PCDHGA11: variants seen among roughly 807,000 people sequenced by gnomAD.
PCDHGA11 encodes the protein protocadherin gamma-A11.
PCDHGA11 carries 39 observed loss-of-function variants against 60.4 expected under a neutral mutation model. The observed-to-expected ratio is 0.65, with a 90% CI of 0.50 to 0.84. The LOEUF (loss-of-function observed/expected upper bound fraction) is 0.84, where lower values mean the gene tolerates loss of function less well. Among genes scored for constraint, PCDHGA11 ranks in the 40% least tolerant of loss-of-function variants. The pLI, the probability that PCDHGA11 is intolerant of heterozygous loss-of-function variation, is 0.00. For synonymous variants in PCDHGA11, 533 were observed against 510.3 expected, an observed-to-expected ratio of 1.04 and a Z score of -0.60; for missense variants, 1,165 against 1,197.7, an observed-to-expected ratio of 0.97 and a Z score of 0.40.
At chr5:141,502,866 C>CTTTTTTTT (rs549047197) in intron 2 of PCDHGA11, among the ~76,000 whole-genome samples, 38,988 of 127,080 alleles carry the variant, frequency 0.31, 7,978 homozygotes, top group African/African-American at 0.51. Flanking sequence ...GACTCTCTGT[C>CTTTTTTTT]TTTTTTTTTT....
At chr5:141,427,400 A>T in intron 1 of PCDHGA11, 1 of 461,200 alleles carries the variant, frequency 2.2e-6, no homozygotes, top group Non-Finnish European at 4.3e-6. Context: ...CACATGATAA[A>T]GATTCGAGAG....
At position 141,422,691 on chromosome 5, in the gene PCDHGA11, C is replaced by A; in HGVS notation, c.1464C>A (p.Val488=). The A allele has an allele frequency of 6.2e-7, 1 of 1,603,878 alleles. No individual in the cohort carries two copies. Among genetic ancestry groups the A allele is most frequent in the Non-Finnish European group, 8.5e-7 (1 of 1,174,648 alleles). ...LDPDSKQNAL[V]TYSLTDDTVQ... ...CGGACAGCAAACAGAATGCCCTGGT[C>A]ACTTACTCTCTGACGGATGACACTG... The change falls in exon 1 of 4, where the codon GTC becomes GTA. Residue 488 remains valine (V), a synonymous_variant. Transcript: ENST00000398587.
chr5:141,485,259 G>C lies in PCDHGA11; in HGVS notation c.2434-9548G>C. ...TTTTACCACCTGGGTTACGTTTGTGGGCAGATCCGCTACCCGGTCCCAGAG... is the reference window on the plus strand; with the variant it reads ...TTTTACCACCTGGGTTACGTTTGTGCGCAGATCCGCTACCCGGTCCCAGAG... On this transcript the variant is annotated intron_variant, in intron 1 of 3. Coordinates refer to ENST00000398587, the MANE Select transcript of PCDHGA11 (RefSeq NM_018914.3). The surrounding 1 kb of genome is among the most constrained non-coding windows in gnomAD (Gnocchi z 5.7). 1.2e-6 allele frequency: 2 copies of C among 1,614,136 alleles called. No homozygotes were observed. The highest frequency in any genetic ancestry group is 1.7e-6 in the Non-Finnish European group (2 of 1,180,002).
rs147674746 is a variant in PCDHGA11, at chr5:141,477,348, C to G, written c.2434-17459C>G. 7 of 1,614,180 alleles carry G rather than the reference C, an allele frequency of 4.3e-6. No individual in the cohort carries two copies. Among genetic ancestry groups the G allele is most frequent in the Non-Finnish European group, 5.9e-6 (7 of 1,180,030 alleles). ...CTCAAGAATTACTTCACTTTGAAAA[C>G]CAGTGCAGACCTGGATCGGGAGACT... is the stretch of plus-strand genomic sequence containing the variant. On this transcript the variant is annotated intron_variant, in intron 1 of 3. Transcript: ENST00000398587. The surrounding 1 kb of genome is among the most constrained non-coding windows in gnomAD (Gnocchi z 4.9).
intron 1 of PCDHGA11, among the ~76,000 whole-genome samples, chr5:141,475,778 T>C (rs1204790631): frequency 2.0e-5 from 3 of 152,282 alleles, no homozygotes; most frequent in Non-Finnish European, 4.4e-5. Flanking sequence ...GCGCTTTGGC[T>C]GGAAACTCTG....
chr5:141,422,263 C>T lies in PCDHGA11; in HGVS notation c.1036C>T (p.Pro346Ser), dbSNP rs755271863. Residue 346 changes from proline to serine, a missense_variant, in exon 1 of 4, where the codon CCA becomes TCA. Transcript: ENST00000398587. ...ITVVDVNDNA[P>S]EITITSSINS... ...TGTTGTGGATGTGAATGATAACGCT[C>T]CAGAAATAACTATCACCTCTTCTAT... is the stretch of plus-strand genomic sequence containing the variant. 1.0e-5 allele frequency: 16 copies of T among 1,563,686 alleles called. No individual in the cohort carries two copies. The South Asian group carries it at 1.7e-4, about 17-fold the overall frequency.
intron 2 of PCDHGA11, among the ~76,000 whole-genome samples, chr5:141,497,578 T>C (rs2099778035): frequency 1.3e-5 from 2 of 150,806 alleles, no homozygotes; most frequent in South Asian, 4.2e-4. Context: ...CTTGCTCTGT[T>C]GCCCAAGCTG....
Position 141,431,740 on chromosome 5 carries a change from T to C in PCDHGA11, c.2433+8080T>C. 6.2e-7 allele frequency: 1 copy of C among 1,614,230 alleles called. No individual in the cohort carries two copies. Among genetic ancestry groups the C allele is most frequent in the South Asian group, 1.1e-5 (1 of 91,088 alleles). On this transcript the variant is annotated intron_variant, in intron 1 of 3. Transcript: ENST00000398587. This position sits in a 1 kb window ranked among gnomAD's most constrained non-coding sequence, Gnocchi z 4.8. ...TGCAAGCAATGGATAATGCAGGATA[T>C]TCTGCGCGAGCCAAAGTCCTGATCA... is the stretch of plus-strand genomic sequence containing the variant.
At chr5:141,475,996 G>T (rs2099383729) in intron 1 of PCDHGA11, 4 of 1,181,402 alleles carry the variant, frequency 3.4e-6, no homozygotes, top group Non-Finnish European at 3.5e-6. Flanking sequence ...GCAAATCAAC[G>T]GCATCCAGAA....
Position 141,423,519 on chromosome 5 carries a change from G to A in PCDHGA11, c.2292G>A (p.Ser764=), listed in dbSNP as rs758742300. Residue 764 remains serine, a synonymous_variant, in exon 1 of 4, where the codon TCG becomes TCA. Coordinates refer to ENST00000398587, the MANE Select transcript of PCDHGA11 (RefSeq NM_018914.3). ...ACGAGGTCTCTCTCATTGCGGACTC[G>A]CAGAAGAGTCACCTGATTTTCCCCC... ...YSHEVSLIAD[S]QKSHLIFPQP... is the part of the protein sequence containing the mutation. 8.1e-6 allele frequency: 13 copies of A among 1,613,752 alleles called. 1 individual carries two copies. In the South Asian group the frequency reaches 1.1e-4, roughly 14 times the overall value.
intron 1 of PCDHGA11, among the ~76,000 whole-genome samples, chr5:141,456,854 T>C (rs924765803): frequency 7.2e-5 from 11 of 151,950 alleles, no homozygotes; most frequent in Non-Finnish European, 1.3e-4. Context: ...TCCCAGCTAA[T>C]TGGGAGGCTG....
intron 1 of PCDHGA11, chr5:141,428,119 C>T (rs2097112199): frequency 6.2e-7 from 1 of 1,606,512 alleles, no homozygotes; most frequent in Non-Finnish European, 8.5e-7. Context: ...GCCATCGAGC[C>T]CGGGCTTTTC....
intron 1 of PCDHGA11, among the ~76,000 whole-genome samples, chr5:141,468,890 G>A (rs2099184679): frequency 6.6e-6 from 1 of 151,592 alleles, no homozygotes; most frequent in African/African-American, 2.4e-5. Flanking sequence ...TAATAATAAG[G>A]TACTAATATG....
At chr5:141,483,854 T>C (rs2154580004) in intron 1 of PCDHGA11, among the ~76,000 whole-genome samples, 1 of 152,236 alleles carries the variant, frequency 6.6e-6, no homozygotes, top group South Asian at 2.1e-4. Flanking sequence ...ATTAAGAAAT[T>C]TCATGTCCAG....
chr5:141,427,151 G>A (rs1481629222), intron 1 of PCDHGA11: 1 of 456,934 alleles, frequency 2.2e-6, no homozygotes, highest in Admixed American at 2.3e-5. Flanking sequence ...TTGGAAATAT[G>A]TTTGTGCTAG....
intron 1 of PCDHGA11, among the ~76,000 whole-genome samples, chr5:141,429,780 A>G (rs1301908729): frequency 1.3e-5 from 2 of 152,222 alleles, no homozygotes; most frequent in Non-Finnish European, 2.9e-5. Flanking sequence ...ATGGGCTTCC[A>G]AAAGTATTAC....
intron 1 of PCDHGA11, among the ~76,000 whole-genome samples, chr5:141,484,723 G>T (rs930331672): frequency 1.3e-5 from 2 of 151,930 alleles, no homozygotes; most frequent in Non-Finnish European, 2.9e-5. Flanking sequence ...AAGGGGCGGG[G>T]TCAGTCGGTG....
rs1195316502 is a variant in PCDHGA11 at position 141,431,006 on chromosome 5, A to G, written c.2433+7346A>G. 1.2e-6 allele frequency: 2 copies of G among 1,614,116 alleles called. No individual in the cohort carries two copies. Among genetic ancestry groups the G allele is most frequent in the South Asian group, 2.2e-5 (2 of 91,078 alleles). ...TTTCGCCCTGAATCCGCGCAGCGGC[A>G]GCTTGGTCACGGCGGGCAGGATAGA... On this transcript the variant is annotated intron_variant, in intron 1 of 3. Transcript: ENST00000398587. The surrounding 1 kb of genome is among the most constrained non-coding windows in gnomAD (Gnocchi z 4.8).
intron 1 of PCDHGA11, among the ~76,000 whole-genome samples, chr5:141,450,259 C>A (rs1243327669): frequency 6.6e-6 from 1 of 152,118 alleles, no homozygotes; most frequent in East Asian, 1.9e-4. Context: ...CTCAAGTGAT[C>A]TGCCCACCTC....
Sources: allele counts gnomAD v4.1 joint callset (sites outside exome capture counted in the v4.1 genomes callset), GRCh38; gene constraint gnomAD v4.1.1; non-coding constraint Gnocchi (gnomAD v3.1); transcripts MANE v1.5; gene names NCBI Gene and HGNC (gene_info 2026-07-23, HGNC 2026-07-21).